DSCAM: variants seen among roughly 807,000 people sequenced by gnomAD.
DSCAM encodes the protein DS cell adhesion molecule, also known as cell adhesion molecule DSCAM.
In DSCAM, 47 loss-of-function variants were observed where a neutral mutation model predicts 217.7. The observed-to-expected ratio is 0.22, with a 90% confidence interval of 0.17 to 0.28. The LOEUF (loss-of-function observed/expected upper bound fraction) is 0.28. Among genes scored for constraint, DSCAM ranks in the 10% least tolerant of loss-of-function variants. The probability of loss-of-function intolerance (pLI) is 1.00; values close to 1 mark genes in which losing one functional copy is unlikely to be tolerated. For missense variants in DSCAM, 2,080 were observed against 2,618.3 expected (o/e 0.79, Z 4.49); for synonymous variants, 1,056 against 1,015.3 (o/e 1.04, Z -0.76).
chr21:40,376,266 A>G (rs1227948706), intron 3 of DSCAM, among the ~76,000 whole-genome samples: 1 of 152,062 alleles, frequency 6.6e-6, no homozygotes, highest in Non-Finnish European at 1.5e-5. Context: ...CTTTCTTCAA[A>G]GCCGTTTCAA....
intron 11 of DSCAM, among the ~76,000 whole-genome samples, chr21:40,267,285 AAGG>A (rs905946777): frequency 3.9e-5 from 6 of 151,968 alleles, no homozygotes; most frequent in Admixed American, 1.3e-4. Flanking sequence ...TTATAAGTAG[AAGG>A]AGTAGTCTAA....
At chr21:40,274,762 C>A (rs1011977435) in intron 11 of DSCAM, among the ~76,000 whole-genome samples, 3 of 152,174 alleles carry the variant, frequency 2.0e-5, no homozygotes, top group African/African-American at 7.2e-5. Flanking sequence ...CCAAAACAAC[C>A]CCATTTCATA....
intron 3 of DSCAM, among the ~76,000 whole-genome samples, chr21:40,620,061 AAGAAAGAGAGAAAGAGAAAAAAGAAAG>A (rs2089464919): frequency 1.8e-5 from 2 of 110,778 alleles, no homozygotes; most frequent in African/African-American, 7.4e-5. Context: ...AAGAAAAAGA[AAGAAAGAGAGAAAGAGAAAAAAGAAAG>A]AGAGAGAAAG....
At chr21:40,322,121 A>G (rs537711308) in intron 8 of DSCAM, among the ~76,000 whole-genome samples, 4 of 152,222 alleles carry the variant, frequency 2.6e-5, no homozygotes, top group Admixed American at 6.5e-5. Context: ...TGATGTCTGC[A>G]TTTGTCTTCT....
At chr21:40,452,645 C>A (rs2075730008) in intron 3 of DSCAM, among the ~76,000 whole-genome samples, 1 of 152,088 alleles carries the variant, frequency 6.6e-6, no homozygotes, top group Non-Finnish European at 1.5e-5. Context: ...AAGCAGGATG[C>A]TACTAGGTTA....
At chr21:40,704,569 G>C (rs1022442958) in intron 2 of DSCAM, among the ~76,000 whole-genome samples, 1 of 151,472 alleles carries the variant, frequency 6.6e-6, no homozygotes, top group Non-Finnish European at 1.5e-5. Context: ...TTTTTTTAAA[G>C]AATTAGCCAG....
chr21:40,311,788 AT>A (rs1459453170), intron 9 of DSCAM, among the ~76,000 whole-genome samples: 1 of 152,150 alleles, frequency 6.6e-6, no homozygotes, highest in African/African-American at 2.4e-5. Context: ...CTCAAAACTC[AT>A]TGGCTTAGCA....
intron 11 of DSCAM, among the ~76,000 whole-genome samples, chr21:40,196,407 C>A (rs547409280): frequency 6.6e-6 from 1 of 152,198 alleles, no homozygotes; most frequent in African/African-American, 2.4e-5. Context: ...TTAAAATAGG[C>A]CAGTGCTCAG....
intron 3 of DSCAM, among the ~76,000 whole-genome samples, chr21:40,570,401 C>T (rs909882016): frequency 6.6e-6 from 1 of 152,200 alleles, no homozygotes; most frequent in East Asian, 1.9e-4. Flanking sequence ...ACATCACCAG[C>T]CCGACAGAAG....
chr21:40,623,927 G>A (rs569470469), intron 3 of DSCAM, among the ~76,000 whole-genome samples: 25 of 152,274 alleles, frequency 1.6e-4, no homozygotes, highest in South Asian at 1.0e-3. Flanking sequence ...TAGCCCAAGG[G>A]AGGGGCCCCT....
At chr21:40,822,466 T>A (rs1419361768) in intron 1 of DSCAM, among the ~76,000 whole-genome samples, 1 of 152,070 alleles carries the variant, frequency 6.6e-6, no homozygotes, top group Admixed American at 6.5e-5. Context: ...AAGACTTTGT[T>A]ACTTTGTACT....
chr21:40,816,926 C>T (rs1005924864), intron 1 of DSCAM, among the ~76,000 whole-genome samples: 19 of 152,122 alleles, frequency 1.2e-4, no homozygotes, highest in Admixed American at 1.1e-3. Context: ...GCTTCGAGCT[C>T]GCTCTTTTTT....
chr21:40,105,983 G>T (rs2089814706), intron 20 of DSCAM, among the ~76,000 whole-genome samples: 1 of 152,092 alleles, frequency 6.6e-6, no homozygotes, highest in Non-Finnish European at 1.5e-5. Context: ...AAGTGTATTA[G>T]CCCATTTTTA....
intron 16 of DSCAM, among the ~76,000 whole-genome samples, chr21:40,153,762 G>C (rs1488011921): frequency 6.6e-6 from 1 of 152,160 alleles, no homozygotes; most frequent in Non-Finnish European, 1.5e-5. Context: ...CCCTCCAGGG[G>C]ATACCAGTGC....
intron 3 of DSCAM, among the ~76,000 whole-genome samples, chr21:40,460,652 G>A (rs749835072): frequency 6.6e-5 from 10 of 152,052 alleles, no homozygotes; most frequent in Non-Finnish European, 1.3e-4. Flanking sequence ...GATGGATGAG[G>A]GACATAAATG....
intron 9 of DSCAM, among the ~76,000 whole-genome samples, chr21:40,308,951 C>T (rs79248613): frequency 0.015 from 2,255 of 152,280 alleles, 54 homozygotes; most frequent in African/African-American, 0.051. Flanking sequence ...GAACGTACTA[C>T]TGCACTGGTA....
chr21:40,188,010 T>A (rs1223856661), intron 12 of DSCAM, 23 bp from the exon 13 acceptor site: 2 of 1,588,174 alleles, frequency 1.3e-6, no homozygotes, highest in African/African-American at 2.7e-5. Flanking sequence ...CAGAAAGAAA[T>A]TCATCTTTTT....
intron 6 of DSCAM, among the ~76,000 whole-genome samples, chr21:40,344,850 T>C (rs2123614364): frequency 6.6e-6 from 1 of 152,302 alleles, no homozygotes; most frequent in African/African-American, 2.4e-5. Context: ...CTGAATACTT[T>C]TTTCTTCTGC....
chr21:40,340,365 TTC>T (rs1214652122), intron 6 of DSCAM, among the ~76,000 whole-genome samples: 3 of 152,238 alleles, frequency 2.0e-5, no homozygotes, highest in Non-Finnish European at 4.4e-5. Flanking sequence ...ATATGGTTTT[TTC>T]TCTTATATAG....
Sources: allele counts gnomAD v4.1 joint callset (sites outside exome capture counted in the v4.1 genomes callset), GRCh38; gene constraint gnomAD v4.1.1; transcripts MANE v1.5; gene names NCBI Gene and HGNC (gene_info 2026-07-23, HGNC 2026-07-21).